The following CTNNA3 variants were observed in gnomAD, a reference collection of about 807,000 sequenced individuals.
The protein encoded by CTNNA3 is catenin alpha 3.
In CTNNA3, 76 loss-of-function variants were observed where a neutral mutation model predicts 95.7. The observed-to-expected ratio is 0.79, with a 90% CI of 0.66 to 0.96. The LOEUF (loss-of-function observed/expected upper bound fraction) is 0.96. Among genes scored for constraint, CTNNA3 ranks in the 40% least tolerant of loss-of-function variants. The probability of loss-of-function intolerance (pLI) is 0.00; values close to 1 mark genes in which losing one functional copy is unlikely to be tolerated. For missense variants in CTNNA3, 1,191 were observed against 1,089.8 expected (o/e 1.09, Z -1.31); for synonymous variants, 431 against 374.4 (o/e 1.15, Z -1.74).
chr10:66,127,842 C>T (rs555576571), intron 13 of CTNNA3, among the ~76,000 whole-genome samples: 2 of 152,164 alleles, frequency 1.3e-5, no homozygotes, highest in African/African-American at 2.4e-5. Flanking sequence ...TTTGGGAGGC[C>T]GAGGCGGGCG....
rs370308982 is a variant in CTNNA3 at position 65,986,792 on chromosome 10, C to T, written c.2265+1900G>A. Among the ~76,000 whole-genome samples the T allele has an allele frequency of 6.5e-4, 99 of 151,362 alleles. 1 individual carries two copies. Among genetic ancestry groups the T allele is most frequent in the African/African-American group, 1.6e-3 (68 of 41,366 alleles). ...AAACAGCAAAGCTGGAAACATCACA[C>T]GACCTGGCTTCAAAATATGTTACAA... On this transcript the variant is annotated intron_variant, in intron 16 of 17. Coordinates refer to ENST00000433211, the MANE Select transcript of CTNNA3 (RefSeq NM_013266.4).
rs2076981621 is a variant in CTNNA3 at position 65,914,327 on chromosome 10, G to A, written c.*6003C>T. 1 of 151,976 alleles carries A rather than the reference G, an allele frequency of 6.6e-6. No homozygotes were observed. Among genetic ancestry groups the A allele is most frequent in the Admixed American group, 6.6e-5 (1 of 15,234 alleles). 9.4% of individuals were successfully genotyped at this position (151,976 alleles called of 1,614,324 possible). A position where few individuals can be genotyped will look rare whatever the true frequency, so the allele number is the denominator to read the frequency against. ...CATCCATTGCTCAAACTAGGAATGTGTGTATTTCTTATGTGGCTCCACCGT... is the reference window on the plus strand; with the variant it reads ...CATCCATTGCTCAAACTAGGAATGTATGTATTTCTTATGTGGCTCCACCGT... On this transcript the variant is annotated 3_prime_UTR_variant, in exon 18 of 18. Transcript: ENST00000433211.
intron 7 of CTNNA3, among the ~76,000 whole-genome samples, chr10:66,947,011 A>G (rs1408827857): frequency 6.6e-6 from 1 of 152,118 alleles, no homozygotes; most frequent in African/African-American, 2.4e-5. Context: ...CACTGAGGTA[A>G]TCATCTTTTT....
chr10:66,860,578 C>T (rs1392420891), intron 7 of CTNNA3, among the ~76,000 whole-genome samples: 2 of 152,140 alleles, frequency 1.3e-5, no homozygotes, highest in East Asian at 1.9e-4. Flanking sequence ...TACTCAGGTG[C>T]TTGTGTTTTC....
chr10:67,441,535 G>A (rs1483125248), intron 5 of CTNNA3, among the ~76,000 whole-genome samples: 1 of 151,916 alleles, frequency 6.6e-6, no homozygotes, highest in Non-Finnish European at 1.5e-5. Flanking sequence ...AAAGTTCAAG[G>A]ATAAAGAAAG....
intron 2 of CTNNA3, among the ~76,000 whole-genome samples, chr10:67,646,519 T>C (rs1013681776): frequency 1.3e-5 from 2 of 152,092 alleles, no homozygotes; most frequent in South Asian, 2.1e-4. Flanking sequence ...CATGTACAAA[T>C]TGATAAAAAT....
intron 15 of CTNNA3, among the ~76,000 whole-genome samples, chr10:66,053,563 G>A (rs763396090): frequency 4.6e-5 from 7 of 151,808 alleles, no homozygotes; most frequent in Admixed American, 1.3e-4. Context: ...ACCCTATTGT[G>A]CTATCAAATA....
chr10:67,552,666 C>T (rs113008926), intron 3 of CTNNA3, among the ~76,000 whole-genome samples: 3,275 of 152,104 alleles, frequency 0.022, 147 homozygotes, highest in African/African-American at 0.074. Context: ...TGCTCTCCCT[C>T]CCCAACCCAA....
At chr10:66,800,615 T>A (rs989928622) in intron 7 of CTNNA3, among the ~76,000 whole-genome samples, 2 of 151,216 alleles carry the variant, frequency 1.3e-5, no homozygotes, top group Non-Finnish European at 3.0e-5. Context: ...TTTGAAGGTA[T>A]TGAAATTTAA....
chr10:67,481,469 T>A (rs1848226157), intron 5 of CTNNA3, among the ~76,000 whole-genome samples: 1 of 152,024 alleles, frequency 6.6e-6, no homozygotes, highest in Non-Finnish European at 1.5e-5. Context: ...TCAGTAGCAG[T>A]TCTATATACC....
intron 17 of CTNNA3, among the ~76,000 whole-genome samples, chr10:65,947,099 T>C (rs751070298): frequency 1.4e-4 from 21 of 151,802 alleles, no homozygotes; most frequent in African/African-American, 5.1e-4. Flanking sequence ...TGTTTTTTTT[T>C]TTTTTGTAGA....
At chr10:67,195,484 C>T (rs1333353014) in intron 6 of CTNNA3, among the ~76,000 whole-genome samples, 1 of 140,014 alleles carries the variant, frequency 7.1e-6, no homozygotes, top group Non-Finnish European at 1.5e-5. Context: ...CTTAATGTAG[C>T]TTTATAACAT....
chr10:66,189,617 T>TATATATATATATATATATACACAC (rs151078010), intron 13 of CTNNA3, among the ~76,000 whole-genome samples: 12 of 140,362 alleles, frequency 8.5e-5, no homozygotes, highest in African/African-American at 3.4e-4. Context: ...TATATATATA[T>TATATATATATATATATATACACAC]ACACACATAC....
intron 17 of CTNNA3, among the ~76,000 whole-genome samples, chr10:65,961,179 T>C (rs2077834376): frequency 6.6e-6 from 1 of 152,146 alleles, no homozygotes; most frequent in African/African-American, 2.4e-5. Context: ...TTTTGGTGAC[T>C]CTGTCTGCTC....
chr10:66,098,108 T>C (rs936395572), intron 14 of CTNNA3: 1 of 152,108 alleles, frequency 6.6e-6, no homozygotes. Flanking sequence ...TGATAGAAGA[T>C]TGTAGGATGG....
rs932548125 is a variant in CTNNA3, at chr10:66,839,000, T to C, written c.1048-63476A>G. Among the ~76,000 whole-genome samples the C allele has an allele frequency of 4.0e-5, 6 of 150,402 alleles. No homozygotes were observed. In the Admixed American group the frequency reaches 4.0e-4, roughly 10 times the overall value. ...CTTTGGCGAAGACTTTTGTACCCTA[T>C]GTTATCGATGTATGCCAATACATTC... is the stretch of plus-strand genomic sequence containing the variant. On this transcript the variant is annotated intron_variant, in intron 7 of 17. Transcript: ENST00000433211.
intron 5 of CTNNA3, among the ~76,000 whole-genome samples, chr10:67,301,512 A>C (rs1261980655): frequency 6.6e-6 from 1 of 152,210 alleles, no homozygotes; most frequent in African/African-American, 2.4e-5. Context: ...ATGTATTCAA[A>C]AGAAATGAAA....
intron 12 of CTNNA3, among the ~76,000 whole-genome samples, chr10:66,320,589 C>T (rs1339096208): frequency 2.0e-5 from 3 of 152,198 alleles, no homozygotes; most frequent in East Asian, 3.9e-4. Context: ...TGGCTGTCTT[C>T]GTATCACTAG....
At chr10:66,790,439 A>T (rs2132876620) in intron 7 of CTNNA3, among the ~76,000 whole-genome samples, 1 of 152,328 alleles carries the variant, frequency 6.6e-6, no homozygotes, top group Non-Finnish European at 1.5e-5. Flanking sequence ...TCTGGGCGAC[A>T]GAACAAGACT....
Sources: allele counts gnomAD v4.1 joint callset (sites outside exome capture counted in the v4.1 genomes callset), GRCh38; gene constraint gnomAD v4.1.1; transcripts MANE v1.5; gene names NCBI Gene and HGNC (gene_info 2026-07-23, HGNC 2026-07-21).